RNF227: variants seen among roughly 807,000 people sequenced by gnomAD.
The protein encoded by RNF227 is ring finger protein 227, also known as long intergenic non-protein coding RNA 2581.
In RNF227, 8 loss-of-function variants were observed where a neutral mutation model predicts 4.9. That is an observed-to-expected ratio of 1.65 (90% CI 0.97 to 2.98). The LOEUF (loss-of-function observed/expected upper bound fraction) is 2.98. Ranked by LOEUF, RNF227 falls within the 30% of genes most tolerant of loss-of-function variation. The pLI, the probability that RNF227 is intolerant of heterozygous loss-of-function variation, is 0.00. For synonymous variants in RNF227, 63 were observed against 28.1 expected, an observed-to-expected ratio of 2.25 and a Z score of -3.94; for missense variants, 136 against 65.4, an observed-to-expected ratio of 2.08 and a Z score of -3.72.
At position 7,916,033 on chromosome 17, in the gene RNF227, G is replaced by T. The variant is rs1971966954; in HGVS notation, c.163C>A (p.Leu55Met). 1 of 353,042 alleles carries T rather than the reference G, an allele frequency of 2.8e-6. No individual in the cohort carries two copies. Among genetic ancestry groups the T allele is most frequent in the Non-Finnish European group, 5.1e-6 (1 of 197,842 alleles). 21.9% of individuals were successfully genotyped at this position (353,042 alleles called of 1,614,324 possible). Residue 55 changes from leucine (L) to methionine (M), a missense_variant, in exon 1 of 2, where the codon CTG becomes ATG. By Grantham distance (15) the Leu-to-Met change is conservative (BLOSUM62 2). Coordinates refer to ENST00000324348, the MANE Select transcript of RNF227 (RefSeq NM_001358699.2). ...HTICTACLRE[L>M]AARGDGGGAA... is the part of the protein sequence containing the mutation. ...CCGCCGCCGTCCCCGCGCGCCGCCA[G>T]CTCGCGGAGGCAGGCGGTGCAGATC...
rs1235932600 is a variant in RNF227 at position 7,915,706 on chromosome 17, G to A, written c.490C>T (p.Arg164Cys). The A allele has an allele frequency of 2.9e-6, 2 of 701,144 alleles. No homozygotes were observed. Among genetic ancestry groups the A allele is most frequent in the Non-Finnish European group, 5.2e-6 (2 of 383,928 alleles). The allele number at this position is 701,144 out of a possible 1,614,324, so 43.4% of individuals were successfully genotyped here. ...TTGCTAGGCAGCGGACGCCGCCAGC[G>A]CCGCGCAGGCCCCAGGACCCTGTCC... ...LWDRVLGPAR[R>C]WRRPLPSNVL... The change falls in exon 1 of 2, where the codon CGC (arginine) becomes TGC (cysteine). Residue 164 changes from arginine to cysteine, a missense_variant. By Grantham distance (180) the Arg-to-Cys change is radical (BLOSUM62 -3). Coordinates refer to ENST00000324348, the MANE Select transcript of RNF227 (RefSeq NM_001358699.2).
rs116731839 is a variant in RNF227 at position 7,915,604 on chromosome 17, C to T, written c.518-27G>A. The T allele has an allele frequency of 1.4e-3, 1,013 of 703,070 alleles. 6 individuals carry two copies. The African/African-American group carries it at 0.016, about 11-fold the overall frequency. 43.6% of individuals were successfully genotyped at this position (703,070 alleles called of 1,614,324 possible). On this transcript the variant is annotated intron_variant, in intron 1 of 1. Coordinates refer to ENST00000324348, the MANE Select transcript of RNF227 (RefSeq NM_001358699.2). The stretch of plus-strand genomic sequence containing the variant: ...TGGGGGAAAGAAGAAGGGTTAGTGG[C>T]AGCAGGAGCATGCCAACGAACCTCG...
chr17:7,915,615 T>C (rs921548012), intron 1 of RNF227, 38 bp from the exon 2 acceptor site: 1 of 702,998 alleles, frequency 1.4e-6, no homozygotes, highest in Admixed American at 2.0e-5. Context: ...AGCAGGAGCA[T>C]GCCAACGAAC....
rs1567886430 is a variant in RNF227 at position 7,915,351 on chromosome 17, A to G, written c.*171T>C. 1.4e-6 allele frequency: 1 copy of G among 697,972 alleles called. No individual in the cohort carries two copies. The highest frequency in any genetic ancestry group is 2.6e-6 in the Non-Finnish European group (1 of 382,218). The allele number at this position is 697,972 out of a possible 1,614,324, so 43.2% of individuals were successfully genotyped here. ...TCAGTAGATGGGGGCGAGTTCGTCTAGGAGCCTCCCCAACTCAGCATCAAC... is the reference window on the plus strand; with the variant it reads ...TCAGTAGATGGGGGCGAGTTCGTCTGGGAGCCTCCCCAACTCAGCATCAAC... On this transcript the variant is annotated 3_prime_UTR_variant, in exon 2 of 2. Transcript: ENST00000324348.
rs946283663 is a variant in RNF227 at position 7,913,731 on chromosome 17, C to T, written c.*1791G>A. ...AAAAAATTGAGGTTAATAATAAGTT[C>T]ACATTTTTAACTAAGAGAAAAATGT... On this transcript the variant is annotated 3_prime_UTR_variant, in exon 2 of 2. Coordinates refer to ENST00000324348, the MANE Select transcript of RNF227 (RefSeq NM_001358699.2). 6.6e-6 allele frequency: 1 copy of T among 152,134 alleles called. No homozygotes were observed. The highest frequency in any genetic ancestry group is 2.4e-5 in the African/African-American group (1 of 41,440). The allele number at this position is 152,134 out of a possible 1,614,324, so 9.4% of individuals were successfully genotyped here. A position where few individuals can be genotyped will look rare whatever the true frequency, so the allele number is the denominator to read the frequency against.
rs1971948097 is a variant in RNF227, at chr17:7,915,045, A to T, written c.*477T>A. On this transcript the variant is annotated 3_prime_UTR_variant, in exon 2 of 2. Coordinates refer to ENST00000324348, the MANE Select transcript of RNF227 (RefSeq NM_001358699.2). ...CTGGAACACAGAACTGGGAGTGGGG[A>T]GACAGCAGGCATACCAGCACCCTTA... 1 of 252,248 alleles carries T rather than the reference A, an allele frequency of 4.0e-6. No individual in the cohort carries two copies. Among genetic ancestry groups the T allele is most frequent in the South Asian group, 4.1e-5 (1 of 24,108 alleles). 15.6% of individuals were successfully genotyped at this position (252,248 alleles called of 1,614,324 possible). A position where few individuals can be genotyped will look rare whatever the true frequency, so the allele number is the denominator to read the frequency against.
Position 7,915,442 on chromosome 17 carries a change from G to C in RNF227, c.*80C>G. 1 of 702,386 alleles carries C rather than the reference G, an allele frequency of 1.4e-6. No individual in the cohort carries two copies. The highest frequency in any genetic ancestry group is 2.6e-6 in the Non-Finnish European group (1 of 384,932). The allele number at this position is 702,386 out of a possible 1,614,324, so 43.5% of individuals were successfully genotyped here. ...TCATCACATGCCAATCCTGGGATCT[G>C]AGAGAGAGTAGTCTTGACATCAGCC... On this transcript the variant is annotated 3_prime_UTR_variant, in exon 2 of 2. Coordinates refer to ENST00000324348, the MANE Select transcript of RNF227 (RefSeq NM_001358699.2).
At position 7,915,681 on chromosome 17, in the gene RNF227, T is replaced by C; in HGVS notation, c.515A>G (p.Asn172Ser). Reference sequence around the variant, plus strand: ...ATCCTCCCCGGGCAGCCCCTCACCGTTGCTAGGCAGCGGACGCCGCCAGCG... The same window carrying C: ...ATCCTCCCCGGGCAGCCCCTCACCGCTGCTAGGCAGCGGACGCCGCCAGCG... Reference protein sequence around the residue: ...ARRWRRPLPSNVLYCAEIKDI... With the variant: ...ARRWRRPLPSSVLYCAEIKDI... The change falls in exon 1 of 2, where the codon AAC (asparagine) becomes AGC (serine). Residue 172 changes from asparagine (N) to serine (S), a missense_variant and splice_region_variant. Physicochemically the swap from Asn to Ser is conservative, Grantham distance 46. Transcript: ENST00000324348. 2.8e-6 allele frequency: 2 copies of C among 701,814 alleles called. No individual in the cohort carries two copies. Among genetic ancestry groups the C allele is most frequent in the East Asian group, 2.7e-5 (1 of 37,254 alleles). 43.5% of individuals were successfully genotyped at this position (701,814 alleles called of 1,614,324 possible).
rs1447400519 is a variant in RNF227, at chr17:7,915,741, C to G, written c.455G>C (p.Arg152Pro). 2.8e-6 allele frequency: 2 copies of G among 702,478 alleles called. No homozygotes were observed. Among genetic ancestry groups the G allele is most frequent in the East Asian group, 2.7e-5 (1 of 37,280 alleles). The allele number at this position is 702,478 out of a possible 1,614,324, so 43.5% of individuals were successfully genotyped here. A position where few individuals can be genotyped will look rare whatever the true frequency, so the allele number is the denominator to read the frequency against. ...CCCCAGGACCCTGTCCCAGAGCCGCCGGAGCGCGCGCCACCCAGCACTCCT... is the reference window on the plus strand; with the variant it reads ...CCCCAGGACCCTGTCCCAGAGCCGCGGGAGCGCGCGCCACCCAGCACTCCT... ...GPRSAGWRAL[R>P]RLWDRVLGPA... The change falls in exon 1 of 2, where the codon CGG becomes CCG. Residue 152 changes from arginine (R) to proline (P), a missense_variant. Arg to Pro is a moderately radical substitution (Grantham distance 103). Transcript: ENST00000324348.
At position 7,915,901 on chromosome 17, in the gene RNF227, C is replaced by T. The variant is rs1971963132; in HGVS notation, c.295G>A (p.Asp99Asn). The T allele has an allele frequency of 2.8e-6, 2 of 702,314 alleles. No individual in the cohort carries two copies. Among genetic ancestry groups the T allele is most frequent in the South Asian group, 1.5e-5 (1 of 67,594 alleles). The allele number at this position is 702,314 out of a possible 1,614,324, so 43.5% of individuals were successfully genotyped here. ...GGLTEMALDS[D>N]LWSRLEEKAR... ...TTTTCCTCCAATCGCGACCACAAGT[C>T]CGAGTCAAGAGCCATCTCCGTGAGG... Residue 99 changes from aspartate (D) to asparagine (N), a missense_variant, in exon 1 of 2, where the codon GAC becomes AAC. Transcript: ENST00000324348.
chr17:7,916,048 C>T lies in RNF227; in HGVS notation c.148G>A (p.Ala50Thr), dbSNP rs1405982231. 2.7e-6 allele frequency: 1 copy of T among 365,554 alleles called. No individual in the cohort carries two copies. Among genetic ancestry groups the T allele is most frequent in the African/African-American group, 2.1e-5 (1 of 47,024 alleles). The allele number at this position is 365,554 out of a possible 1,614,324, so 22.6% of individuals were successfully genotyped here. The change falls in exon 1 of 2, where the codon GCC becomes ACC. Residue 50 changes from alanine (A) to threonine (T), a missense_variant. By Grantham distance (58) the Ala-to-Thr change is moderately conservative. Transcript: ENST00000324348. ...CGCGCCGCCAGCTCGCGGAGGCAGGCGGTGCAGATCGTGTGGCCGCAGCGG... is the reference window on the plus strand; with the variant it reads ...CGCGCCGCCAGCTCGCGGAGGCAGGTGGTGCAGATCGTGTGGCCGCAGCGG... ...RARCGHTICT[A>T]CLRELAARGD...
At position 7,915,728 on chromosome 17, in the gene RNF227, G is replaced by C. The variant is rs1265191029; in HGVS notation, c.468C>G (p.Asp156Glu). 2 of 702,564 alleles carry C rather than the reference G, an allele frequency of 2.8e-6. No homozygotes were observed. The highest frequency in any genetic ancestry group is 2.0e-5 in the Admixed American group (1 of 50,000). 43.5% of individuals were successfully genotyped at this position (702,564 alleles called of 1,614,324 possible). Reference protein sequence around the residue: ...AGWRALRRLWDRVLGPARRWR... With the variant: ...AGWRALRRLWERVLGPARRWR... Reference sequence around the variant, plus strand: ...AGCGCCGCGCAGGCCCCAGGACCCTGTCCCAGAGCCGCCGGAGCGCGCGCC... The same window carrying C: ...AGCGCCGCGCAGGCCCCAGGACCCTCTCCCAGAGCCGCCGGAGCGCGCGCC... Residue 156 changes from aspartate (D) to glutamate (E), a missense_variant, in exon 1 of 2, where the codon GAC becomes GAG. Coordinates refer to ENST00000324348, the MANE Select transcript of RNF227 (RefSeq NM_001358699.2).
Position 7,914,466 on chromosome 17 carries a change from G to C in RNF227, c.*1056C>G, listed in dbSNP as rs1475346886. On this transcript the variant is annotated 3_prime_UTR_variant, in exon 2 of 2. Coordinates refer to ENST00000324348, the MANE Select transcript of RNF227 (RefSeq NM_001358699.2). ...GGAGGATGAGGCAGGAGAATCGCTT[G>C]AACCTGGGAGGCGGAGGCTGCAGTG... The C allele has an allele frequency of 6.6e-6, 1 of 152,228 alleles. No homozygotes were observed. The highest frequency in any genetic ancestry group is 2.4e-5 in the African/African-American group (1 of 41,366). 9.4% of individuals were successfully genotyped at this position (152,228 alleles called of 1,614,324 possible). A position where few individuals can be genotyped will look rare whatever the true frequency, so the allele number is the denominator to read the frequency against.
In RNF227 at chr17:7,914,893, C is replaced by G. The variant is rs779872445; in HGVS notation, c.*629G>C. ...GGCTCTCCCTTCCTACTTTGATAGG[C>G]TCTAATTAGGTGCCTCACATAAATG... On this transcript the variant is annotated 3_prime_UTR_variant, in exon 2 of 2. Coordinates refer to ENST00000324348, the MANE Select transcript of RNF227 (RefSeq NM_001358699.2). 1 of 163,204 alleles carries G rather than the reference C, an allele frequency of 6.1e-6. No individual in the cohort carries two copies. The highest frequency in any genetic ancestry group is 1.3e-5 in the Non-Finnish European group (1 of 74,456). 10.1% of individuals were successfully genotyped at this position (163,204 alleles called of 1,614,324 possible). A position where few individuals can be genotyped will look rare whatever the true frequency, so the allele number is the denominator to read the frequency against.
Position 7,915,202 on chromosome 17 carries a change from A to C in RNF227, c.*320T>G. 1 of 478,578 alleles carries C rather than the reference A, an allele frequency of 2.1e-6. No individual in the cohort carries two copies. The highest frequency in any genetic ancestry group is 3.8e-6 in the Non-Finnish European group (1 of 260,170). The allele number at this position is 478,578 out of a possible 1,614,324, so 29.6% of individuals were successfully genotyped here. A position where few individuals can be genotyped will look rare whatever the true frequency, so the allele number is the denominator to read the frequency against. ...GGGACCTGTTGCTCCCACACACCAG[A>C]GCCACCCTGGACAAAAGCCAACGTC... On this transcript the variant is annotated 3_prime_UTR_variant, in exon 2 of 2. Coordinates refer to ENST00000324348, the MANE Select transcript of RNF227 (RefSeq NM_001358699.2).
Position 7,913,410 on chromosome 17 carries a change from C to T in RNF227, c.*2112G>A, listed in dbSNP as rs527899523. The T allele has an allele frequency of 3.9e-5, 6 of 152,098 alleles. No homozygotes were observed. The highest frequency in any genetic ancestry group is 7.3e-5 in the Non-Finnish European group (5 of 68,036). The allele number at this position is 152,098 out of a possible 1,614,324, so 9.4% of individuals were successfully genotyped here. A position where few individuals can be genotyped will look rare whatever the true frequency, so the allele number is the denominator to read the frequency against. ...CTGTTGGCCCTGGAGATAAAACAGT[C>T]ACAGGTCAGCCCTTGCTCCCATAGG... On this transcript the variant is annotated 3_prime_UTR_variant, in exon 2 of 2. Coordinates refer to ENST00000324348, the MANE Select transcript of RNF227 (RefSeq NM_001358699.2).
In RNF227 at chr17:7,916,275, TCGG is replaced by T; in HGVS notation, c.-83_-81del. On this transcript the variant is annotated 5_prime_UTR_variant, in exon 1 of 2. Transcript: ENST00000324348. ...ACGAGCACACTCTCCTGGGGCCGGG[TCGG>T]GTCCTGGGGCCGGCGCCGCGGCCTC... The T allele has an allele frequency of 2.8e-6, 1 of 352,366 alleles. No individual in the cohort carries two copies. The highest frequency in any genetic ancestry group is 4.0e-5 in the East Asian group (1 of 25,060). The allele number at this position is 352,366 out of a possible 1,614,324, so 21.8% of individuals were successfully genotyped here.
rs1265191029 is a variant in RNF227, at chr17:7,915,728, G to A, written c.468C>T (p.Asp156=). The change falls in exon 1 of 2, where the codon GAC becomes GAT. Residue 156 remains aspartate, a synonymous_variant. Transcript: ENST00000324348. Reference sequence around the variant, plus strand: ...AGCGCCGCGCAGGCCCCAGGACCCTGTCCCAGAGCCGCCGGAGCGCGCGCC... The same window carrying A: ...AGCGCCGCGCAGGCCCCAGGACCCTATCCCAGAGCCGCCGGAGCGCGCGCC... ...AGWRALRRLW[D]RVLGPARRWR... is the part of the protein sequence containing the mutation. 5.7e-6 allele frequency: 4 copies of A among 702,446 alleles called. No individual in the cohort carries two copies. Among genetic ancestry groups the A allele is most frequent in the Non-Finnish European group, 1.0e-5 (4 of 384,748 alleles). The allele number at this position is 702,446 out of a possible 1,614,324, so 43.5% of individuals were successfully genotyped here.
Position 7,916,214 on chromosome 17 carries a change from G to T in RNF227, c.-19C>A, listed in dbSNP as rs1971970393. The T allele has an allele frequency of 1.0e-5, 4 of 389,444 alleles. No individual in the cohort carries two copies. Among genetic ancestry groups the T allele is most frequent in the Non-Finnish European group, 1.8e-5 (4 of 220,128 alleles). The allele number at this position is 389,444 out of a possible 1,614,324, so 24.1% of individuals were successfully genotyped here. A position where few individuals can be genotyped will look rare whatever the true frequency, so the allele number is the denominator to read the frequency against. ...GCTGCATCGTGCCCGCCGCGGACTC[G>T]AGGACGTCGCTAACGCGGCCAGCTC... On this transcript the variant is annotated 5_prime_UTR_variant, in exon 1 of 2. Coordinates refer to ENST00000324348, the MANE Select transcript of RNF227 (RefSeq NM_001358699.2).
Sources: allele counts gnomAD v4.1 joint callset, GRCh38; gene constraint gnomAD v4.1.1; transcripts MANE v1.5; gene names NCBI Gene and HGNC (gene_info 2026-07-23, HGNC 2026-07-21).